Variants in BFSP1 observed in about 807,000 individuals in gnomAD.
The protein encoded by BFSP1 is beaded filament structural protein 1.
Under a neutral mutation model 43.9 loss-of-function variants are expected in BFSP1, and 38 were observed. The observed-to-expected ratio is 0.87, with a 90% confidence interval of 0.67 to 1.14. The LOEUF (loss-of-function observed/expected upper bound fraction) is 1.14, where lower values mean the gene tolerates loss of function less well. BFSP1 is among the 50% of genes most tolerant of loss of function. The pLI is 0.00. For missense variants in BFSP1, 850 were observed against 875.1 expected, an observed-to-expected ratio of 0.97 and a Z score of 0.36; for synonymous variants, 352 against 354.8, an observed-to-expected ratio of 0.99 and a Z score of 0.09.
At chr20:17,503,237 C>G (rs1301227533) in intron 5 of BFSP1, among the ~76,000 whole-genome samples, 1 of 152,208 alleles carries the variant, frequency 6.6e-6, no homozygotes, top group Admixed American at 6.5e-5. Flanking sequence ...ATTATGTTGC[C>G]TAGGCTGGTC....
intron 1 of BFSP1, among the ~76,000 whole-genome samples, chr20:17,538,647 T>C (rs1046068382): frequency 6.6e-6 from 1 of 152,176 alleles, no homozygotes; most frequent in African/African-American, 2.4e-5. Flanking sequence ...CTCTGCACAG[T>C]CTCAGAATGT....
intron 4 of BFSP1, among the ~76,000 whole-genome samples, chr20:17,511,669 A>T (rs1213348006): frequency 6.6e-6 from 1 of 152,246 alleles, no homozygotes; most frequent in South Asian, 2.1e-4. Context: ...ACAATGGCAC[A>T]TCGCTTTGGA....
Position 17,506,926 on chromosome 20 carries a change from G to A in BFSP1, c.735+1963C>T, listed in dbSNP as rs117182344. 997 of 152,300 alleles carry A rather than the reference G, an allele frequency of 6.5e-3. 11 individuals carry two copies. The highest frequency in any genetic ancestry group is 0.012 in the South Asian group (58 of 4,826). The allele number at this position is 152,300 out of a possible 1,614,324, so 9.4% of individuals were successfully genotyped here. ...GCCACGGGTGGGAGTGGAGGAGGCA[G>A]CACAGAAGAGATGTTTGAGACCCTG... On this transcript the variant is annotated intron_variant, in intron 5 of 7. Transcript: ENST00000377873.
upstream of BFSP1, among the ~76,000 whole-genome samples, chr20:17,534,261 A>G (rs2034593685): frequency 6.6e-6 from 1 of 152,262 alleles, no homozygotes; most frequent in Non-Finnish European, 1.5e-5. Flanking sequence ...GAATGGCACT[A>G]GTTTGGGGGC....
intron 1 of BFSP1, chr20:17,565,585 A>G (rs1600690911): frequency 6.6e-6 from 1 of 152,266 alleles, no homozygotes; most frequent in South Asian, 2.1e-4. Context: ...AAGATGCTAC[A>G]TAACCAACAT....
chr20:17,502,249 T>C (rs1010276737), intron 5 of BFSP1, among the ~76,000 whole-genome samples: 2 of 151,998 alleles, frequency 1.3e-5, no homozygotes, highest in African/African-American at 2.4e-5. Flanking sequence ...ATCAGAGTTA[T>C]TGTCACCTGT....
chr20:17,562,045 C>A (rs892534071), upstream of BFSP1, among the ~76,000 whole-genome samples: 1 of 151,934 alleles, frequency 6.6e-6, no homozygotes, highest in Admixed American at 6.5e-5. Flanking sequence ...CTCAGCTTCC[C>A]AAGTAGCTGG....
rs568829905 is a variant in BFSP1, at chr20:17,494,592, C to T, written c.1480G>A (p.Gly494Arg). 286 of 1,614,224 alleles carry T rather than the reference C, an allele frequency of 1.8e-4. 2 individuals carry two copies. In the South Asian group the frequency reaches 3.0e-3, roughly 17 times the overall value. ...FYVSSITAKG[G>R]VAVSVAEDSV... ...TCTTCCGCAACAGAAACAGCCACCC[C>T]ACCTTTAGCTGTGATGGAGGAGACA... Residue 494 changes from glycine to arginine, a missense_variant, in exon 8 of 8, where the codon GGG becomes AGG. Transcript: ENST00000377873.
At chr20:17,517,609 A>G (rs1414149919) in intron 2 of BFSP1, among the ~76,000 whole-genome samples, 4 of 152,188 alleles carry the variant, frequency 2.6e-5, no homozygotes, top group Non-Finnish European at 5.9e-5. Context: ...AGAAGTAGCC[A>G]CTTTAAATAA....
chr20:17,504,029 G>C (rs145435232), intron 5 of BFSP1, among the ~76,000 whole-genome samples: 1 of 152,290 alleles, frequency 6.6e-6, no homozygotes, highest in East Asian at 1.9e-4. Flanking sequence ...TTTTGTGGTA[G>C]TGGTAGGGGG....
At chr20:17,546,908 C>T (rs528103036) in intron 1 of BFSP1, among the ~76,000 whole-genome samples, 247 of 151,556 alleles carry the variant, frequency 1.6e-3, no homozygotes, top group African/African-American at 5.9e-3. Context: ...CCTGTAATCC[C>T]AGCTACTTGG....
At chr20:17,502,468 G>A (rs553382966) in intron 5 of BFSP1, among the ~76,000 whole-genome samples, 2 of 152,314 alleles carry the variant, frequency 1.3e-5, no homozygotes, top group South Asian at 4.1e-4. Flanking sequence ...CAGTATGGGG[G>A]AGACAATCAA....
rs377385243 is a variant in BFSP1, at chr20:17,564,098, G to A, written n.51-1003C>T. 3.1e-4 allele frequency among the ~76,000 whole-genome samples: 47 copies of A among 151,958 alleles called. 1 individual carries two copies. In the South Asian group the frequency reaches 9.6e-3, roughly 31 times the overall value. ...CTGTAATTCCAATACTTTGGGAGGC[G>A]GAGGCAGGAGGATCACTTGAGTCCA... On this transcript the variant is annotated intron_variant and non_coding_transcript_variant, in intron 1 of 6. Transcript: ENST00000473415.
intron 5 of BFSP1, among the ~76,000 whole-genome samples, chr20:17,502,592 T>C (rs1242954431): frequency 1.3e-5 from 2 of 152,152 alleles, no homozygotes; most frequent in African/African-American, 4.8e-5. Flanking sequence ...AATTTCCAGG[T>C]TTTTATCATC....
intron 1 of BFSP1, among the ~76,000 whole-genome samples, chr20:17,568,682 A>G (rs1462994251): frequency 6.6e-6 from 1 of 152,138 alleles, no homozygotes; most frequent in African/African-American, 2.4e-5. Flanking sequence ...TCAGGTGGTA[A>G]AGGCTTAGAA....
intron 2 of BFSP1, among the ~76,000 whole-genome samples, chr20:17,523,904 C>T (rs1253890114): frequency 1.3e-5 from 2 of 151,710 alleles, no homozygotes; most frequent in African/African-American, 2.4e-5. Flanking sequence ...AAACATCCGG[C>T]GCTAACCCTG....
chr20:17,531,330 G>A lies in BFSP1; in HGVS notation c.-1C>T. The A allele has an allele frequency of 7.0e-7, 1 of 1,423,756 alleles. No individual in the cohort carries two copies. Among genetic ancestry groups the A allele is most frequent in the East Asian group, 3.0e-5 (1 of 32,822 alleles). The allele number at this position is 1,423,756 out of a possible 1,614,324, so 88.2% of individuals were successfully genotyped here. On this transcript the variant is annotated 5_prime_UTR_variant, in exon 1 of 8. Coordinates refer to ENST00000377873, the MANE Select transcript of BFSP1 (RefSeq NM_001195.5). Reference sequence around the variant, plus strand: ...GGAAGACGTAGCTGCGCCGGTACATGGCTGCTCTGGCGCGGGCGCGCGGGC... The same window carrying A: ...GGAAGACGTAGCTGCGCCGGTACATAGCTGCTCTGGCGCGGGCGCGCGGGC...
intron 2 of BFSP1, among the ~76,000 whole-genome samples, chr20:17,524,233 A>C (rs1405716680): frequency 6.6e-6 from 1 of 152,194 alleles, no homozygotes; most frequent in Admixed American, 6.5e-5. Context: ...TCCCAGCAAA[A>C]GCAGAAAATC....
At chr20:17,497,573 TATATATAC>T (rs1234860318) in intron 6 of BFSP1, among the ~76,000 whole-genome samples, 2 of 21,336 alleles carry the variant, frequency 9.4e-5, no homozygotes, top group Non-Finnish European at 1.6e-4. Flanking sequence ...TGTGTATATG[TATATATAC>T]GTATATATAT....
Sources: gnomAD v4.1 joint callset for allele counts (sites outside exome capture counted in the v4.1 genomes callset) on GRCh38, gnomAD v4.1.1 for gene constraint, MANE v1.5 for transcripts, NCBI Gene and HGNC (gene_info 2026-07-23, HGNC 2026-07-21) for gene names.